The following GCA variants were observed in gnomAD, a reference collection of about 807,000 sequenced individuals.
The protein encoded by GCA is grancalcin, EF-hand calcium-binding protein.
In GCA, 30 loss-of-function variants were observed where a neutral mutation model predicts 32.6. That is an observed-to-expected ratio of 0.92 (90% CI 0.69 to 1.25). The LOEUF (loss-of-function observed/expected upper bound fraction) is 1.25. GCA is among the 50% of genes most tolerant of loss of function. The pLI, the probability that GCA is intolerant of heterozygous loss-of-function variation, is 0.00. For missense variants in GCA, 291 were observed against 266.8 expected (o/e 1.09, Z -0.63); for synonymous variants, 102 against 84.6 (o/e 1.21, Z -1.13).
At chr2:162,368,719 T>A (rs190371315) in intron 4 of GCA, among the ~76,000 whole-genome samples, 2 of 151,982 alleles carry the variant, frequency 1.3e-5, no homozygotes, top group African/African-American at 4.8e-5. Context: ...ACTAGAAGAG[T>A]AGGATAGTTG....
chr2:162,322,168 A>G (rs1683696026), intron 1 of GCA, among the ~76,000 whole-genome samples: 1 of 150,284 alleles, frequency 6.7e-6, no homozygotes, highest in Non-Finnish European at 1.5e-5. Context: ...CAATTCAATT[A>G]AAATTCTGGT....
At chr2:162,365,228 A>G (rs1558908398), downstream of GCA, among the ~76,000 whole-genome samples, 1 of 151,564 alleles carries the variant, frequency 6.6e-6, no homozygotes, top group East Asian at 1.9e-4. Flanking sequence ...CAGAAATTAT[A>G]TGCTTCATTC....
In GCA at chr2:162,356,457, C is replaced by T; in HGVS notation, c.282C>T (p.Cys94=). ...GTYSPFSLET[C]RIMIAMLDRD... The stretch of plus-strand genomic sequence containing the variant: ...TTACAGCCTTCAGTTTGGAAACCTG[C>T]AGAATTATGATTGCCATGTTGGATG... The change falls in exon 4 of 8, where the codon TGC becomes TGT. Residue 94 remains cysteine (C), a synonymous_variant. Coordinates refer to ENST00000437150, the MANE Select transcript of GCA (RefSeq NM_012198.5). 6.4e-7 allele frequency: 1 copy of T among 1,569,788 alleles called. No individual in the cohort carries two copies. Among genetic ancestry groups the T allele is most frequent in the South Asian group, 1.1e-5 (1 of 89,876 alleles).
chr2:162,347,068 C>T (rs1261931272), intron 1 of GCA, among the ~76,000 whole-genome samples: 1 of 152,128 alleles, frequency 6.6e-6, no homozygotes, highest in Non-Finnish European at 1.5e-5. Flanking sequence ...AAACTATATA[C>T]CCTTTTCCCA....
chr2:162,341,983 A>C (rs966982900), upstream of GCA, among the ~76,000 whole-genome samples: 1 of 152,230 alleles, frequency 6.6e-6, no homozygotes, highest in African/African-American at 2.4e-5. Context: ...CTATTTTTAT[A>C]AAGTAAAGAA....
intron 4 of GCA, among the ~76,000 whole-genome samples, chr2:162,368,582 C>T (rs941614786): frequency 3.9e-5 from 6 of 151,904 alleles, no homozygotes; most frequent in Admixed American, 3.9e-4. Context: ...TCGATAAGAA[C>T]TTTACTTTTC....
Position 162,344,183 on chromosome 2 carries a change from T to G in GCA, c.-66T>G. On this transcript the variant is annotated 5_prime_UTR_variant, in exon 1 of 8. Coordinates refer to ENST00000437150, the MANE Select transcript of GCA (RefSeq NM_012198.5). The stretch of plus-strand genomic sequence containing the variant: ...CTGCGCCTCCTTGCACCTGCGCCTG[T>G]GCTTTTTCTCCCAGCACTGCGGACG... 4 of 1,587,990 alleles carry G rather than the reference T, an allele frequency of 2.5e-6. No individual in the cohort carries two copies. The highest frequency in any genetic ancestry group is 2.6e-6 in the Non-Finnish European group (3 of 1,157,050).
intron 1 of GCA, among the ~76,000 whole-genome samples, chr2:162,344,738 G>A (rs892699899): frequency 1.3e-5 from 2 of 152,046 alleles, no homozygotes; most frequent in Non-Finnish European, 2.9e-5. Context: ...TTATACGAAG[G>A]GCAATCTGTT....
chr2:162,366,844 A>G (rs1685766898), downstream of GCA, among the ~76,000 whole-genome samples: 1 of 151,962 alleles, frequency 6.6e-6, no homozygotes, highest in Admixed American at 6.6e-5. Context: ...GCTCTGAGCA[A>G]CTAGATCTTT....
At position 162,338,410 on chromosome 2, in the gene GCA, T is replaced by G. The variant is rs557990643; in HGVS notation, c.-30-9168T>G. 5.3e-5 allele frequency among the ~76,000 whole-genome samples: 8 copies of G among 152,288 alleles called. No homozygotes were observed. In the South Asian group the frequency reaches 1.7e-3, roughly 32 times the overall value. Reference sequence around the variant, plus strand: ...AGGACTACTCTAACTTAACTGACACTACACAGAAGCGAGTTACTAACCAAT... The same window carrying G: ...AGGACTACTCTAACTTAACTGACACGACACAGAAGCGAGTTACTAACCAAT... On this transcript the variant is annotated intron_variant, in intron 1 of 4. Coordinates refer to the GCA transcript ENST00000429691.
chr2:162,345,613 A>G (rs1221352421), intron 1 of GCA, among the ~76,000 whole-genome samples: 1 of 152,234 alleles, frequency 6.6e-6, no homozygotes, highest in African/African-American at 2.4e-5. Context: ...TGTGTTTTGA[A>G]TATTTAAATC....
chr2:162,361,056 A>G lies in GCA; in HGVS notation c.*813A>G. ...CAACATTCAAAATTGTCCTAATTAA[A>G]TTGTTGTTTAAATGTAATGTCAACT... On this transcript the variant is annotated 3_prime_UTR_variant, in exon 8 of 8. Coordinates refer to ENST00000437150, the MANE Select transcript of GCA (RefSeq NM_012198.5). 1.0e-6 allele frequency: 1 copy of G among 959,984 alleles called. No homozygotes were observed. Among genetic ancestry groups the G allele is most frequent in the Non-Finnish European group, 1.3e-6 (1 of 795,162 alleles). 59.5% of individuals were successfully genotyped at this position (959,984 alleles called of 1,614,324 possible). A position where few individuals can be genotyped will look rare whatever the true frequency, so the allele number is the denominator to read the frequency against.
chr2:162,325,161 CT>C (rs1417126308), intron 1 of GCA, among the ~76,000 whole-genome samples: 10 of 152,302 alleles, frequency 6.6e-5, no homozygotes, highest in African/African-American at 1.9e-4. Flanking sequence ...AATTAAACCT[CT>C]TATGGGAGCA....
chr2:162,374,394 G>GA (rs993833555), downstream of GCA, among the ~76,000 whole-genome samples: 4 of 152,176 alleles, frequency 2.6e-5, no homozygotes, highest in Non-Finnish European at 5.9e-5. Context: ...AAATTTAAGG[G>GA]AAAATAGCAA....
chr2:162,339,959 C>T (rs974682067), upstream of GCA, among the ~76,000 whole-genome samples: 1 of 152,124 alleles, frequency 6.6e-6, no homozygotes, highest in Non-Finnish European at 1.5e-5. Context: ...TTTCCATATG[C>T]AATTGGCTAT....
chr2:162,359,158 G>T lies in GCA; in HGVS notation c.568+1G>T. 6.5e-7 allele frequency: 1 copy of T among 1,545,710 alleles called. No homozygotes were observed. The highest frequency in any genetic ancestry group is 1.7e-4 in the Middle Eastern group (1 of 5,914). ...TGTGTGAAGCTTCGAGCATTGACAG[G>T]TATTGACTATTTAAAACTAAGTGCA... On this transcript the variant is annotated splice_donor_variant, in intron 6 of 7. Coordinates refer to ENST00000437150, the MANE Select transcript of GCA (RefSeq NM_012198.5). LOFTEE classifies it high-confidence loss of function.
chr2:162,369,768 TA>T (rs1685867624), intron 4 of GCA, among the ~76,000 whole-genome samples: 1 of 152,084 alleles, frequency 6.6e-6, no homozygotes, highest in Non-Finnish European at 1.5e-5. Flanking sequence ...AATATGGAAA[TA>T]AAATCCCAAA....
chr2:162,355,227 A>C (rs1240612107), intron 3 of GCA, among the ~76,000 whole-genome samples: 1 of 152,124 alleles, frequency 6.6e-6, no homozygotes, highest in Non-Finnish European at 1.5e-5. Context: ...TTTATGTGAA[A>C]TCATGTAACA....
intron 2 of GCA, among the ~76,000 whole-genome samples, chr2:162,348,895 G>T (rs995826211): frequency 1.3e-5 from 2 of 151,822 alleles, no homozygotes; most frequent in Non-Finnish European, 2.9e-5. Context: ...ATTCAAGATC[G>T]GAAGGAATAC....
Sources: allele counts gnomAD v4.1 joint callset (sites outside exome capture counted in the v4.1 genomes callset), GRCh38; gene constraint gnomAD v4.1.1; transcripts MANE v1.5; gene names NCBI Gene and HGNC (gene_info 2026-07-23, HGNC 2026-07-21).